Variants in PELI1 observed in about 807,000 individuals in gnomAD.
The protein encoded by PELI1 is pellino E3 ubiquitin protein ligase 1.
PELI1 carries 15 observed loss-of-function variants against 41.3 expected under a neutral mutation model. The ratio of observed to expected loss-of-function variants is 0.36; its 90% CI spans 0.24 to 0.56. PELI1 has a LOEUF of 0.56. Ranked by LOEUF, PELI1 falls within the 20% of genes least tolerant of loss-of-function variation. The probability of loss-of-function intolerance (pLI) is 0.82; values close to 1 mark genes in which losing one functional copy is unlikely to be tolerated. For synonymous variants in PELI1, 178 were observed against 180.1 expected (o/e 0.99, Z 0.09); for missense variants, 403 against 525.5 (o/e 0.77, Z 2.28).
Position 64,100,456 on chromosome 2 carries a change from G to T in PELI1, c.245C>A (p.Ser82Tyr), listed in dbSNP as rs1435701934. 1 of 1,591,122 alleles carries T rather than the reference G, an allele frequency of 6.3e-7. No homozygotes were observed. Among genetic ancestry groups the T allele is most frequent in the Non-Finnish European group, 8.6e-7 (1 of 1,159,350 alleles). The change falls in exon 4 of 7, where the codon TCT (serine) becomes TAT (tyrosine). Residue 82 changes from serine to tyrosine, a missense_variant. Coordinates refer to ENST00000358912, the MANE Select transcript of PELI1 (RefSeq NM_020651.4). The part of the protein sequence containing the change: ...KDQHSISYTL[S>Y]RAQTVVVEYT... ...TTCAACCACCACAGTCTGGGCCCGAGATAAAGTATATGATATGCTATGCTG... is the reference window on the plus strand; with the variant it reads ...TTCAACCACCACAGTCTGGGCCCGATATAAAGTATATGATATGCTATGCTG...
chr2:64,128,638 C>T (rs987187171), intron 1 of PELI1, among the ~76,000 whole-genome samples: 1 of 152,026 alleles, frequency 6.6e-6, no homozygotes, highest in Non-Finnish European at 1.5e-5. Context: ...TCTTATTTTG[C>T]TTCTACTGTT....
At chr2:64,141,836 G>C (rs1363644179) in intron 1 of PELI1, among the ~76,000 whole-genome samples, 1 of 152,210 alleles carries the variant, frequency 6.6e-6, no homozygotes, top group African/African-American at 2.4e-5. Flanking sequence ...TGCAAAGCCA[G>C]ACTTTGCCAG....
rs1408882150 is a variant in PELI1 at position 64,092,948 on chromosome 2, A to C, written c.*1754T>G. On this transcript the variant is annotated 3_prime_UTR_variant, in exon 7 of 7. Transcript: ENST00000358912. ...ATATAGCCTGAATAAAAATGACTAG[A>C]ACAAATACAACACAGGACTTGCTTT... is the stretch of plus-strand genomic sequence containing the variant. 2 of 152,462 alleles carry C rather than the reference A, an allele frequency of 1.3e-5. No homozygotes were observed. The highest frequency in any genetic ancestry group is 4.8e-5 in the African/African-American group (2 of 41,472). 9.4% of individuals were successfully genotyped at this position (152,462 alleles called of 1,614,324 possible).
chr2:64,114,568 G>A (rs993302247), intron 1 of PELI1, among the ~76,000 whole-genome samples: 1 of 152,162 alleles, frequency 6.6e-6, no homozygotes, highest in African/African-American at 2.4e-5. Context: ...TCTTAGAGAA[G>A]CCAAATAGCA....
rs1396581065 is a variant in PELI1 at position 64,121,984 on chromosome 2, G to T, written c.-69-13605C>A. 7.9e-5 allele frequency among the ~76,000 whole-genome samples: 12 copies of T among 151,326 alleles called. 1 individual carries two copies. Among genetic ancestry groups the T allele is most frequent in the Admixed American group, 7.2e-4 (11 of 15,204 alleles). Reference sequence around the variant, plus strand: ...TAATCGTATTCATAAAGAAAAAAGGGTTAGAATAAAATTTCTAAGCTTTTC... The same window carrying T: ...TAATCGTATTCATAAAGAAAAAAGGTTTAGAATAAAATTTCTAAGCTTTTC... On this transcript the variant is annotated intron_variant, in intron 1 of 6. Coordinates refer to ENST00000358912, the MANE Select transcript of PELI1 (RefSeq NM_020651.4).
chr2:64,097,605 G>A (rs10169847), intron 4 of PELI1, among the ~76,000 whole-genome samples: 11,884 of 152,190 alleles, frequency 0.078, 695 homozygotes, highest in African/African-American at 0.17. Flanking sequence ...CAAGTGTCAC[G>A]GGGCTTTAAA....
intron 1 of PELI1, among the ~76,000 whole-genome samples, chr2:64,138,027 C>G (rs1681774691): frequency 6.6e-6 from 1 of 152,184 alleles, no homozygotes. Context: ...TTAGTCTTCT[C>G]TAACCTTCCT....
At chr2:64,141,149 T>G (rs561846455) in intron 1 of PELI1, among the ~76,000 whole-genome samples, 1 of 152,198 alleles carries the variant, frequency 6.6e-6, no homozygotes, top group Non-Finnish European at 1.5e-5. Context: ...CCCTTATATA[T>G]AAATGCTGCC....
chr2:64,094,406 G>T lies in PELI1; in HGVS notation c.*296C>A. ...TATACAAAACAATTTCAGCACTGAGGATAGGTGATTCAAAAACACTAAAAG... is the reference window on the plus strand; with the variant it reads ...TATACAAAACAATTTCAGCACTGAGTATAGGTGATTCAAAAACACTAAAAG... On this transcript the variant is annotated 3_prime_UTR_variant, in exon 7 of 7. Transcript: ENST00000358912. 1 of 281,562 alleles carries T rather than the reference G, an allele frequency of 3.6e-6. No homozygotes were observed. The highest frequency in any genetic ancestry group is 6.7e-6 in the Non-Finnish European group (1 of 149,362). 17.4% of individuals were successfully genotyped at this position (281,562 alleles called of 1,614,324 possible).
chr2:64,128,901 A>G (rs954513832), intron 1 of PELI1, among the ~76,000 whole-genome samples: 1 of 152,184 alleles, frequency 6.6e-6, no homozygotes, highest in African/African-American at 2.4e-5. Context: ...GAAGACCTTG[A>G]CACAGACACA....
At chr2:64,103,742 C>T (rs754654660) in intron 3 of PELI1, among the ~76,000 whole-genome samples, 4 of 152,202 alleles carry the variant, frequency 2.6e-5, no homozygotes, top group Non-Finnish European at 5.9e-5. Context: ...CCTAAAACCA[C>T]ATCATATGCC....
intron 1 of PELI1, among the ~76,000 whole-genome samples, chr2:64,124,706 A>T (rs1368492518): frequency 6.6e-6 from 1 of 152,188 alleles, no homozygotes; most frequent in East Asian, 1.9e-4. Flanking sequence ...TTTTGCTGAT[A>T]ATCTTGCATC....
chr2:64,098,896 T>C (rs1680330836), intron 4 of PELI1, among the ~76,000 whole-genome samples: 1 of 152,162 alleles, frequency 6.6e-6, no homozygotes, highest in African/African-American at 2.4e-5. Context: ...GCATAATCAG[T>C]TTATGATACT....
intron 1 of PELI1, among the ~76,000 whole-genome samples, chr2:64,140,966 A>C (rs2103752434): frequency 6.6e-6 from 1 of 152,110 alleles, no homozygotes; most frequent in South Asian, 2.1e-4. Context: ...CCCCTCCCCC[A>C]CTACCACAAG....
At chr2:64,135,987 C>T (rs72893157) in intron 1 of PELI1, among the ~76,000 whole-genome samples, 3,463 of 152,274 alleles carry the variant, frequency 0.023, 113 homozygotes, top group African/African-American at 0.077. Context: ...GATCCAATTT[C>T]TTCCTTTCCT....
chr2:64,102,080 C>T (rs1680457417), intron 3 of PELI1, among the ~76,000 whole-genome samples: 1 of 152,078 alleles, frequency 6.6e-6, no homozygotes, highest in Non-Finnish European at 1.5e-5. Context: ...CCACCTCGGC[C>T]TCCCAAAGTG....
intron 3 of PELI1, 75 bp downstream of exon 3, chr2:64,104,626 G>A (rs960327801): frequency 6.8e-6 from 10 of 1,462,140 alleles, no homozygotes; most frequent in Middle Eastern, 2.4e-4. Flanking sequence ...GGGAATGCTA[G>A]AGAATACAAA....
chr2:64,128,805 C>T (rs936730607), intron 1 of PELI1, among the ~76,000 whole-genome samples: 3 of 152,120 alleles, frequency 2.0e-5, no homozygotes, highest in Non-Finnish European at 4.4e-5. Context: ...ATTTGTCAAA[C>T]TCTTGGGTTT....
intron 1 of PELI1, among the ~76,000 whole-genome samples, chr2:64,109,209 T>C (rs1680723485): frequency 6.6e-6 from 1 of 152,150 alleles, no homozygotes; most frequent in Admixed American, 6.5e-5. Context: ...TAGGGACCCT[T>C]GACTTCTATG....
Sources: gnomAD v4.1 joint callset for allele counts (sites outside exome capture counted in the v4.1 genomes callset) on GRCh38, gnomAD v4.1.1 for gene constraint, MANE v1.5 for transcripts, NCBI Gene and HGNC (gene_info 2026-07-23, HGNC 2026-07-21) for gene names.